SCARB1: variants seen among roughly 807,000 people sequenced by gnomAD.
SCARB1 encodes CD36 and LIMPII analogous 1.
In SCARB1, 30 loss-of-function variants were observed where a neutral mutation model predicts 57.2. The observed-to-expected ratio is 0.52, with a 90% CI of 0.39 to 0.71. The LOEUF is 0.71. Among genes scored for constraint, SCARB1 ranks in the 30% least tolerant of loss-of-function variants. The probability of loss-of-function intolerance (pLI) is 0.00; values close to 1 mark genes in which losing one functional copy is unlikely to be tolerated. For synonymous variants in SCARB1, 249 were observed against 268.3 expected (o/e 0.93, Z 0.70); for missense variants, 543 against 671.2 (o/e 0.81, Z 2.11).
chr12:124,830,370 C>A (rs1024745870), intron 1 of SCARB1, among the ~76,000 whole-genome samples: 5 of 152,174 alleles, frequency 3.3e-5, no homozygotes, highest in Admixed American at 2.6e-4. Context: ...TGCACCCACA[C>A]AAAGATTATC....
intron 7 of SCARB1, among the ~76,000 whole-genome samples, chr12:124,803,336 T>C (rs1254371521): frequency 6.6e-6 from 1 of 152,114 alleles, no homozygotes; most frequent in Non-Finnish European, 1.5e-5. Flanking sequence ...CCCAGCACTT[T>C]GGGCGGGAGG....
In SCARB1 at chr12:124,849,466, A is replaced by C. The variant is rs544431599; in HGVS notation, c.126+14129T>G. 3.9e-5 allele frequency among the ~76,000 whole-genome samples: 6 copies of C among 152,348 alleles called. No homozygotes were observed. In the East Asian group the frequency reaches 1.2e-3, roughly 29 times the overall value. ...TCCCAGTCCTGCCGCCAGGATGTGA[A>C]CAGGCAGGGGTATCAATGGGACCCT... On this transcript the variant is annotated intron_variant, in intron 1 of 12. Transcript: ENST00000261693.
intron 1 of SCARB1, among the ~76,000 whole-genome samples, chr12:124,825,371 C>A (rs1488743181): frequency 6.6e-6 from 1 of 151,680 alleles, no homozygotes; most frequent in African/African-American, 2.4e-5. Flanking sequence ...ATTGTCAGAC[C>A]TCAAAAAAAG....
chr12:124,782,264 T>G lies in SCARB1; in HGVS notation c.*419A>C, dbSNP rs115151666. Among the ~76,000 whole-genome samples, 399 of 152,268 alleles carry G rather than the reference T, an allele frequency of 2.6e-3. 2 individuals carry two copies. Among genetic ancestry groups the G allele is most frequent in the African/African-American group, 9.1e-3 (377 of 41,550 alleles). On this transcript the variant is annotated intron_variant, in intron 12 of 12. Coordinates refer to ENST00000261693, the MANE Select transcript of SCARB1 (RefSeq NM_005505.5). Reference sequence around the variant, plus strand: ...AACATGTTTCTACATCAGAATCTCATTAGGGTCCATTAAAATACAGATTCC... The same window carrying G: ...AACATGTTTCTACATCAGAATCTCAGTAGGGTCCATTAAAATACAGATTCC...
At chr12:124,831,862 GAAC>G (rs1345192839) in intron 1 of SCARB1, among the ~76,000 whole-genome samples, 3 of 152,188 alleles carry the variant, frequency 2.0e-5, no homozygotes, top group African/African-American at 7.2e-5. Flanking sequence ...ATCAATAGAA[GAAC>G]AACAGACAAA....
At chr12:124,861,614 T>C (rs371094462) in intron 1 of SCARB1, among the ~76,000 whole-genome samples, 57 of 152,224 alleles carry the variant, frequency 3.7e-4, no homozygotes, top group African/African-American at 1.3e-3. Context: ...GGCTCTCTTC[T>C]TCCATGCTAA....
At chr12:124,792,976 C>T (rs907233764) in intron 9 of SCARB1, among the ~76,000 whole-genome samples, 3 of 151,510 alleles carry the variant, frequency 2.0e-5, no homozygotes, top group Non-Finnish European at 4.4e-5. Flanking sequence ...CCAGGTGCCA[C>T]GCGGTGGAAC....
intron 2 of SCARB1, among the ~76,000 whole-genome samples, chr12:124,816,991 G>C (rs997469688): frequency 1.6e-5 from 2 of 127,378 alleles, no homozygotes; most frequent in African/African-American, 5.1e-5. Flanking sequence ...GATAGGGTCT[G>C]GGGGGTCGGT....
chr12:124,819,799 C>T (rs1419208370), intron 1 of SCARB1, among the ~76,000 whole-genome samples: 3 of 152,356 alleles, frequency 2.0e-5, no homozygotes, highest in African/African-American at 4.8e-5. Flanking sequence ...CCATGTCCCC[C>T]GGAAGGAGCA....
intron 1 of SCARB1, among the ~76,000 whole-genome samples, chr12:124,835,632 C>T (rs761442042): frequency 9.9e-5 from 15 of 150,966 alleles, no homozygotes; most frequent in Non-Finnish European, 1.5e-4. Context: ...GCATCCTCCC[C>T]GCCCCCACTA....
At chr12:124,843,220 C>T (rs1034757597) in intron 1 of SCARB1, among the ~76,000 whole-genome samples, 36 of 151,004 alleles carry the variant, frequency 2.4e-4, no homozygotes, top group African/African-American at 8.8e-4. Flanking sequence ...GGGAGAGGCA[C>T]GTGACCATCC....
At chr12:124,837,470 A>AG (rs879768867) in intron 1 of SCARB1, among the ~76,000 whole-genome samples, 5,866 of 47,292 alleles carry the variant, frequency 0.12, 531 homozygotes, top group Admixed American at 0.35. Context: ...AAAGAAAGAA[A>AG]GAAAGGAAGG....
chr12:124,823,097 T>G (rs969444196), intron 1 of SCARB1, among the ~76,000 whole-genome samples: 1 of 152,134 alleles, frequency 6.6e-6, no homozygotes, highest in Non-Finnish European at 1.5e-5. Context: ...GACTAACATA[T>G]CAATAGAAAC....
At chr12:124,833,275 G>A (rs113608452) in intron 1 of SCARB1, among the ~76,000 whole-genome samples, 4,808 of 150,412 alleles carry the variant, frequency 0.032, 279 homozygotes, top group African/African-American at 0.11. Flanking sequence ...CTGCAGCCTC[G>A]AACTCCCGGG....
chr12:124,843,293 G>GC (rs138799242), intron 1 of SCARB1, among the ~76,000 whole-genome samples: 8 of 120,920 alleles, frequency 6.6e-5, no homozygotes, highest in Admixed American at 5.7e-4. Context: ...GTGGAGATGG[G>GC]GGGGGGGGTC....
chr12:124,835,793 T>A (rs1951624604), intron 1 of SCARB1, among the ~76,000 whole-genome samples: 1 of 152,224 alleles, frequency 6.6e-6, no homozygotes, highest in Non-Finnish European at 1.5e-5. Context: ...GGTAAATTCC[T>A]GCCTTCTGGC....
chr12:124,805,202 A>T (rs1293499904), intron 7 of SCARB1, among the ~76,000 whole-genome samples: 1 of 151,968 alleles, frequency 6.6e-6, no homozygotes, highest in Admixed American at 6.6e-5. Context: ...CAACTTTAGA[A>T]CAGGAAATCA....
chr12:124,786,820 C>G (rs932838061), intron 10 of SCARB1, among the ~76,000 whole-genome samples: 3 of 152,218 alleles, frequency 2.0e-5, no homozygotes, highest in Non-Finnish European at 4.4e-5. Flanking sequence ...GCGGGGCCAC[C>G]GGGGCCCTGG....
At chr12:124,820,807 C>A (rs1191677481) in intron 1 of SCARB1, among the ~76,000 whole-genome samples, 1 of 152,154 alleles carries the variant, frequency 6.6e-6, no homozygotes, top group Non-Finnish European at 1.5e-5. Flanking sequence ...AGGAGGGAAC[C>A]GTAGAGGTGA....
Sources: gnomAD v4.1 joint callset for allele counts (sites outside exome capture counted in the v4.1 genomes callset) on GRCh38, gnomAD v4.1.1 for gene constraint, MANE v1.5 for transcripts, NCBI Gene and HGNC (gene_info 2026-07-23, HGNC 2026-07-21) for gene names.